The following ABCA6 variants were observed in gnomAD, a reference collection of about 807,000 sequenced individuals.
ABCA6 encodes the protein ATP-binding cassette sub-family A member 6.
ABCA6 carries 164 observed loss-of-function variants against 191.2 expected under a neutral mutation model. The ratio of observed to expected loss-of-function variants is 0.86; its 90% CI spans 0.76 to 0.98. The LOEUF is 0.98. Ranked by LOEUF, ABCA6 falls within the 50% of genes least tolerant of loss-of-function variation. ABCA6 has a pLI of 0.00. For missense variants in ABCA6, 1,958 were observed against 1,894.1 expected (o/e 1.03, Z -0.63); for synonymous variants, 636 against 647.7 (o/e 0.98, Z 0.27).
intron 23 of ABCA6, 105 bp from the exon 24 acceptor site, chr17:69,096,906 T>A (rs1170333504): frequency 1.0e-5 from 10 of 955,464 alleles, no homozygotes; most frequent in Non-Finnish European, 1.5e-5. Flanking sequence ...ATAAATATAA[T>A]CTAATCTTCT....
chr17:69,116,237 A>C (rs1417818265), intron 11 of ABCA6, among the ~76,000 whole-genome samples: 1 of 152,112 alleles, frequency 6.6e-6, no homozygotes, highest in East Asian at 1.9e-4. Flanking sequence ...GAAAAATTAA[A>C]TAGAAGCCTC....
chr17:69,107,641 T>A, intron 18 of ABCA6, 55 bp downstream of exon 18: 4 of 1,190,930 alleles, frequency 3.4e-6, no homozygotes, highest in Non-Finnish European at 4.9e-6. Context: ...AAATACTAAA[T>A]TGACACATGA....
intron 26 of ABCA6, among the ~76,000 whole-genome samples, chr17:69,089,811 G>A (rs1473387838): frequency 6.6e-6 from 1 of 151,980 alleles, no homozygotes; most frequent in Non-Finnish European, 1.5e-5. Flanking sequence ...GAAAGCATAT[G>A]TTATTACTGA....
intron 9 of ABCA6, among the ~76,000 whole-genome samples, chr17:69,124,053 A>G (rs2073701731): frequency 1.3e-5 from 2 of 152,100 alleles, no homozygotes; most frequent in African/African-American, 4.8e-5. Context: ...CCACAGCAAC[A>G]TAATTGAACA....
chr17:69,126,094 T>A (rs1240786578), intron 8 of ABCA6, among the ~76,000 whole-genome samples: 2 of 152,006 alleles, frequency 1.3e-5, no homozygotes, highest in Non-Finnish European at 1.5e-5. Context: ...AGGATTGCGA[T>A]GGGAAAAATA....
chr17:69,105,332 G>A, intron 20 of ABCA6, 130 bp downstream of exon 20: 2 of 854,560 alleles, frequency 2.3e-6, no homozygotes, highest in Admixed American at 3.0e-5. Context: ...TTCCTCATAA[G>A]GTGTTTTCTA....
intron 16 of ABCA6, chr17:69,111,923 G>C: frequency 2.7e-6 from 1 of 371,836 alleles, no homozygotes; most frequent in Non-Finnish European, 4.9e-6. Context: ...AGGCTGCACA[G>C]AACAGCTACC....
chr17:69,082,014 G>A (rs2072647179), intron 36 of ABCA6, among the ~76,000 whole-genome samples: 1 of 152,066 alleles, frequency 6.6e-6, no homozygotes, highest in African/African-American at 2.4e-5. Context: ...CTCCCAGGTG[G>A]CACTAAGGTT....
At position 69,085,702 on chromosome 17, in the gene ABCA6, A is replaced by C. The variant is rs771935597; in HGVS notation, c.3952T>G (p.Leu1318Val). The C allele has an allele frequency of 6.2e-7, 1 of 1,606,826 alleles. No individual in the cohort carries two copies. The highest frequency in any genetic ancestry group is 8.5e-7 in the Non-Finnish European group (1 of 1,175,192). ...FCVQEGEILG[L>V]LGPNGAGKSS... ...TTTCCAGCACCATTGGGTCCTAGCA[A>C]TCCCAAAATTTCACCTGAAAGAAAG... Residue 1318 changes from leucine (L) to valine (V), a missense_variant, in exon 31 of 39, where the codon TTG (leucine) becomes GTG (valine). Physicochemically the swap from Leu to Val is conservative, Grantham distance 32. Transcript: ENST00000284425.
intron 22 of ABCA6, chr17:69,099,571 T>C (rs759455017): frequency 5.8e-5 from 9 of 154,306 alleles, no homozygotes; most frequent in Non-Finnish European, 1.2e-4. Context: ...TTTTGAAGGA[T>C]AGCAGCATAA....
chr17:69,109,203 A>ATGTTTAAACCAAAGAGAAGC (rs1555650287), intron 17 of ABCA6: 3 of 151,712 alleles, frequency 2.0e-5, no homozygotes, highest in Non-Finnish European at 4.4e-5. Context: ...AACAAACTAG[A>ATGTTTAAACCAAAGAGAAGC]TGTTTAAACC....
At position 69,110,922 on chromosome 17, in the gene ABCA6, T is replaced by C; in HGVS notation, c.2151A>G (p.Ile717Met). Residue 717 changes from isoleucine to methionine, a missense_variant, in exon 17 of 39, where the codon ATA becomes ATG. Transcript: ENST00000284425. ...AGGATGTTATTTGTTCTGGGTTACA[T>C]ATTTCATTCCTATGTAAACTAATAT... ...GYHLSLHRNE[I>M]CNPEQITSFI... is the part of the protein sequence containing the mutation. 3 of 1,604,584 alleles carry C rather than the reference T, an allele frequency of 1.9e-6. No individual in the cohort carries two copies. Among genetic ancestry groups the C allele is most frequent in the Non-Finnish European group, 2.5e-6 (3 of 1,176,576 alleles).
chr17:69,113,582 C>A (rs1390973155), intron 14 of ABCA6, 36 bp downstream of exon 14: 3 of 1,612,114 alleles, frequency 1.9e-6, no homozygotes, highest in Middle Eastern at 1.7e-4. Flanking sequence ...TGCAGACATT[C>A]GACCTGCTTC....
rs2073052231 is a variant in ABCA6, at chr17:69,096,680, T to C, written c.3242A>G (p.Tyr1081Cys). Residue 1081 changes from tyrosine (Y) to cysteine (C), a missense_variant, in exon 24 of 39, where the codon TAC becomes TGC. Coordinates refer to ENST00000284425, the MANE Select transcript of ABCA6 (RefSeq NM_080284.3). ...LILLLMYLIFYIENMQYLLIT... is the reference protein window; with the variant it reads ...LILLLMYLIFCIENMQYLLIT... The stretch of plus-strand genomic sequence containing the variant: ...AAGAAGGTACTGCATGTTTTCTATG[T>C]AGAAAATTAAATACATTAAAAGGAG... The C allele has an allele frequency of 1.9e-6, 3 of 1,573,632 alleles. No homozygotes were observed. The highest frequency in any genetic ancestry group is 2.4e-5 in the South Asian group (2 of 82,274).
At chr17:69,110,733 A>G (rs868504346) in intron 17 of ABCA6, 68 bp downstream of exon 17, 16 of 1,486,586 alleles carry the variant, frequency 1.1e-5, no homozygotes, top group Admixed American at 2.5e-5. Context: ...GGACAAAGAA[A>G]ATTATTTTAA....
At position 69,114,913 on chromosome 17, in the gene ABCA6, T is replaced by C; in HGVS notation, c.1631A>G (p.Asn544Ser). Residue 544 changes from asparagine (N) to serine (S), a missense_variant, in exon 13 of 39, where the codon AAT becomes AGT. By Grantham distance (46) the Asn-to-Ser change is conservative. Coordinates refer to ENST00000284425, the MANE Select transcript of ABCA6 (RefSeq NM_080284.3). The part of the protein sequence containing the change: ...TEGSVTIYNK[N>S]LSEMQDLEEI... Reference sequence around the variant, plus strand: ...CTCCAAGTCTTGCATTTCAGAGAGATTTTTATTATAGATGGTAACTGATCC... The same window carrying C: ...CTCCAAGTCTTGCATTTCAGAGAGACTTTTATTATAGATGGTAACTGATCC... 1 of 1,611,020 alleles carries C rather than the reference T, an allele frequency of 6.2e-7. No homozygotes were observed.
chr17:69,088,172 A>T lies in ABCA6; in HGVS notation c.3693T>A (p.Val1231=). 6.2e-7 allele frequency: 1 copy of T among 1,610,724 alleles called. No homozygotes were observed. The highest frequency in any genetic ancestry group is 1.1e-5 in the South Asian group (1 of 90,222). The change falls in exon 28 of 39, where the codon GTT becomes GTA. Residue 1231 remains valine, a synonymous_variant. Transcript: ENST00000284425. ...CGKKRMRKDP[V]FRISPQSRDA... is the part of the protein sequence containing the mutation. ...AAGTTAAATTTCACCCCAACCTGAAAACAGGATCTTTTCGCATTCTTTTCT... is the reference window on the plus strand; with the variant it reads ...AAGTTAAATTTCACCCCAACCTGAATACAGGATCTTTTCGCATTCTTTTCT...
intron 2 of ABCA6, among the ~76,000 whole-genome samples, chr17:69,138,493 T>C (rs186754777): frequency 1.1e-4 from 16 of 152,258 alleles, no homozygotes; most frequent in African/African-American, 3.4e-4. Context: ...GTAGGAAGAA[T>C]CAATATCGTG....
At position 69,128,727 on chromosome 17, in the gene ABCA6, G is replaced by C; in HGVS notation, c.1011C>G (p.Leu337=). Residue 337 remains leucine (L), a synonymous_variant, in exon 8 of 39, where the codon CTC becomes CTG. Transcript: ENST00000284425. ...CAGTGAATCCCAGACATCCCCAAAA[G>C]AGGGTAAGGAGAAACACAACCAAAT... ...LTNLVVFLLT[L]FWGCLGFTVF... 1.9e-6 allele frequency: 3 copies of C among 1,612,996 alleles called. No individual in the cohort carries two copies. The highest frequency in any genetic ancestry group is 2.5e-6 in the Non-Finnish European group (3 of 1,179,358).
Sources: allele counts gnomAD v4.1 joint callset (sites outside exome capture counted in the v4.1 genomes callset), GRCh38; gene constraint gnomAD v4.1.1; transcripts MANE v1.5; gene names NCBI Gene and HGNC (gene_info 2026-07-23, HGNC 2026-07-21).